Variants in STK32A observed in about 807,000 individuals in gnomAD.
STK32A encodes the protein serine/threonine kinase 32A, also known as serine/threonine-protein kinase 32A.
A neutral mutation model predicts 53.2 loss-of-function variants in STK32A; 41 were observed. The observed-to-expected ratio is 0.77, with a 90% CI of 0.60 to 1.00. The LOEUF is 1.00. STK32A is among the 50% of genes least tolerant of loss of function. The pLI is 0.00. For synonymous variants in STK32A, 166 were observed against 162.8 expected (o/e 1.02, Z -0.15); for missense variants, 458 against 485.8 (o/e 0.94, Z 0.54).
chr5:147,263,654 T>C (rs1754682286), intron 2 of STK32A, among the ~76,000 whole-genome samples: 1 of 152,032 alleles, frequency 6.6e-6, no homozygotes, highest in Non-Finnish European at 1.5e-5. Flanking sequence ...AAGATATATT[T>C]AAAGAAAATT....
intron 2 of STK32A, among the ~76,000 whole-genome samples, chr5:147,258,533 CT>C (rs929482931): frequency 2.9e-3 from 424 of 147,430 alleles, no homozygotes; most frequent in African/African-American, 0.011. Context: ...CCTTTTAAAA[CT>C]TTTTTTTCCT....
chr5:147,315,725 TATG>T (rs1753961156), intron 4 of STK32A, among the ~76,000 whole-genome samples: 1 of 152,144 alleles, frequency 6.6e-6, no homozygotes. Context: ...TGATAAATTA[TATG>T]ATATGTATAT....
At chr5:147,339,951 A>G (rs1581114140) in intron 5 of STK32A, among the ~76,000 whole-genome samples, 1 of 152,172 alleles carries the variant, frequency 6.6e-6, no homozygotes, top group South Asian at 2.1e-4. Flanking sequence ...TGGACTGTGG[A>G]CTTTTGAGTT....
chr5:147,293,117 T>G (rs953047898), intron 4 of STK32A, among the ~76,000 whole-genome samples: 3 of 152,152 alleles, frequency 2.0e-5, no homozygotes, highest in Admixed American at 6.5e-5. Flanking sequence ...ATAAACCACT[T>G]TTTATGAAGA....
intron 5 of STK32A, among the ~76,000 whole-genome samples, chr5:147,326,786 T>C (rs920978848): frequency 3.3e-5 from 5 of 152,204 alleles, no homozygotes; most frequent in Non-Finnish European, 7.3e-5. Flanking sequence ...AGGATGCTAT[T>C]AATATTAATA....
intron 12 of STK32A, 59 bp downstream of exon 12, chr5:147,383,564 T>C: frequency 8.0e-7 from 1 of 1,254,598 alleles, no homozygotes; most frequent in Non-Finnish European, 1.1e-6. Context: ...CAGCCAGACT[T>C]TACTTGCAGA....
In STK32A at chr5:147,387,331, C is replaced by T. The variant is rs1757699827; in HGVS notation, c.*3348C>T. On this transcript the variant is annotated 3_prime_UTR_variant, in exon 13 of 13. Transcript: ENST00000397936. Reference sequence around the variant, plus strand: ...TTGCTAGGGCAGGAATGAACAGCAACCAGCACAGAGCATTGCTAAATTAAT... The same window carrying T: ...TTGCTAGGGCAGGAATGAACAGCAATCAGCACAGAGCATTGCTAAATTAAT... 6.6e-6 allele frequency: 1 copy of T among 152,222 alleles called. No individual in the cohort carries two copies. Among genetic ancestry groups the T allele is most frequent in the Non-Finnish European group, 1.5e-5 (1 of 68,040 alleles). 9.4% of individuals were successfully genotyped at this position (152,222 alleles called of 1,614,324 possible). A position where few individuals can be genotyped will look rare whatever the true frequency, so the allele number is the denominator to read the frequency against.
At chr5:147,359,137 C>T (rs1756386074) in intron 7 of STK32A, among the ~76,000 whole-genome samples, 1 of 152,098 alleles carries the variant, frequency 6.6e-6, no homozygotes, top group Admixed American at 6.6e-5. Context: ...ACACTTAGCC[C>T]TTCTCTGACT....
chr5:147,295,557 G>C (rs1230039662), intron 4 of STK32A, among the ~76,000 whole-genome samples: 1 of 152,160 alleles, frequency 6.6e-6, no homozygotes, highest in Non-Finnish European at 1.5e-5. Flanking sequence ...TGAACTAAAA[G>C]GGATTTGAGT....
rs567744636 is a variant in STK32A at position 147,278,631 on chromosome 5, A to G, written c.108+452A>G. Among the ~76,000 whole-genome samples, 61 of 151,946 alleles carry G rather than the reference A, an allele frequency of 4.0e-4. No individual in the cohort carries two copies. In the South Asian group the frequency reaches 0.012, roughly 31 times the overall value. On this transcript the variant is annotated intron_variant, in intron 3 of 12. Coordinates refer to ENST00000397936, the MANE Select transcript of STK32A (RefSeq NM_001112724.2). ...TTAAGAAAAATACATATTCAGTTTA[A>G]TTTTTTTTGCAAGAAACTTCTGTAT...
the STK32A span, chr5:147,399,306 C>T: frequency 6.4e-7 from 1 of 1,552,890 alleles, no homozygotes; most frequent in Non-Finnish European, 8.7e-7. Flanking sequence ...TATATCAATT[C>T]AGGGCTTCTG....
the STK32A span, among the ~76,000 whole-genome samples, chr5:147,398,118 C>A: frequency 6.6e-6 from 1 of 152,310 alleles, no homozygotes; most frequent in East Asian, 1.9e-4. Context: ...CAAAGAGAAG[C>A]TGGATAACTA....
chr5:147,288,247 T>C (rs1340579270), intron 4 of STK32A, among the ~76,000 whole-genome samples: 1 of 152,188 alleles, frequency 6.6e-6, no homozygotes, highest in African/African-American at 2.4e-5. Context: ...GGGGAATTCT[T>C]AAAGTACAAC....
intron 5 of STK32A, among the ~76,000 whole-genome samples, chr5:147,339,944 A>T (rs1343119019): frequency 1.3e-5 from 2 of 152,188 alleles, no homozygotes; most frequent in East Asian, 3.9e-4. Context: ...GAGACATTGG[A>T]CTGTGGACTT....
At chr5:147,252,505 A>G (rs1052698119) in intron 2 of STK32A, among the ~76,000 whole-genome samples, 6 of 152,308 alleles carry the variant, frequency 3.9e-5, no homozygotes, top group African/African-American at 1.2e-4. Flanking sequence ...CCTATCATTA[A>G]CATTTGTGGT....
intron 4 of STK32A, among the ~76,000 whole-genome samples, chr5:147,311,889 G>T (rs1371471473): frequency 6.6e-6 from 1 of 152,014 alleles, no homozygotes; most frequent in Non-Finnish European, 1.5e-5. Context: ...TGAGTCATCT[G>T]CACCAGGCCT....
the STK32A span, chr5:147,399,041 C>G: frequency 1.3e-6 from 2 of 1,598,426 alleles, no homozygotes; most frequent in Non-Finnish European, 1.7e-6. Flanking sequence ...TCCTTGCATG[C>G]ATTCTCCATT....
chr5:147,279,389 T>G lies in STK32A; in HGVS notation c.251T>G (p.Val84Gly). 6.3e-7 allele frequency: 1 copy of G among 1,583,678 alleles called. No homozygotes were observed. Among genetic ancestry groups the G allele is most frequent in the Non-Finnish European group, 8.6e-7 (1 of 1,164,288 alleles). ...CAGGGTCTGGAGCACCCTTTCCTGG[T>G]TAATTTGTGGTGAGTAATTTTACTG... ...IMQGLEHPFL[V>G]NLWYSFQDEE... The change falls in exon 4 of 13, where the codon GTT becomes GGT. Residue 84 changes from valine (V) to glycine (G), a missense_variant. Coordinates refer to ENST00000397936, the MANE Select transcript of STK32A (RefSeq NM_001112724.2).
At chr5:147,299,955 C>T (rs911208656) in intron 4 of STK32A, among the ~76,000 whole-genome samples, 17 of 152,236 alleles carry the variant, frequency 1.1e-4, no homozygotes, top group African/African-American at 4.1e-4. Flanking sequence ...GGGCCTGACA[C>T]ATTTTGCATA....
Sources: gnomAD v4.1 joint callset for allele counts (sites outside exome capture counted in the v4.1 genomes callset) on GRCh38, gnomAD v4.1.1 for gene constraint, MANE v1.5 for transcripts, NCBI Gene and HGNC (gene_info 2026-07-23, HGNC 2026-07-21) for gene names.